Variants in CFAP52 observed in about 807,000 individuals in gnomAD.
CFAP52 encodes the protein cilia and flagella associated protein 52.
In CFAP52, 57 loss-of-function variants were observed where a neutral mutation model predicts 70.5. The ratio of observed to expected loss-of-function variants is 0.81; its 90% CI spans 0.65 to 1.01. The LOEUF is 1.01. Among genes scored for constraint, CFAP52 ranks in the 50% least tolerant of loss-of-function variants. CFAP52 has a pLI of 0.00. For synonymous variants in CFAP52, 267 were observed against 292.5 expected (o/e 0.91, Z 0.89); for missense variants, 785 against 788.5 (o/e 1.00, Z 0.05).
chr17:9,628,847 T>A, intron 9 of CFAP52, 27 bp downstream of exon 9: 1 of 1,613,410 alleles, frequency 6.2e-7, no homozygotes. Context: ...AAGATCTGGC[T>A]TGGGGCTCTA....
At chr17:9,584,803 A>G (rs1189027976) in intron 1 of CFAP52, among the ~76,000 whole-genome samples, 3 of 152,038 alleles carry the variant, frequency 2.0e-5, no homozygotes, top group Non-Finnish European at 2.9e-5. Context: ...TTGTATTTTT[A>G]GTAGAGACCG....
At chr17:9,638,064 G>A (rs1369797298) in intron 11 of CFAP52, among the ~76,000 whole-genome samples, 4 of 152,196 alleles carry the variant, frequency 2.6e-5, no homozygotes, top group Admixed American at 6.5e-5. Context: ...CGTGCTTTCC[G>A]AGGGTTGTGC....
At chr17:9,615,455 A>T (rs113801746) in intron 8 of CFAP52, among the ~76,000 whole-genome samples, 1 of 152,122 alleles carries the variant, frequency 6.6e-6, no homozygotes, top group African/African-American at 2.4e-5. Flanking sequence ...TTCATTCATA[A>T]GTATTACTAT....
At chr17:9,591,244 G>A (rs2151931159) in intron 3 of CFAP52, among the ~76,000 whole-genome samples, 1 of 151,690 alleles carries the variant, frequency 6.6e-6, no homozygotes, top group South Asian at 2.1e-4. Context: ...CTTCATGTTG[G>A]TCAGGCTGGT....
chr17:9,632,886 A>G lies in CFAP52; in HGVS notation c.1175-2A>G, dbSNP rs746126670. 1.2e-6 allele frequency: 2 copies of G among 1,613,960 alleles called. No homozygotes were observed. The highest frequency in any genetic ancestry group is 1.7e-6 in the Non-Finnish European group (2 of 1,179,868). The stretch of plus-strand genomic sequence containing the variant: ...CTGCCTTTTGTTTCCCTTTCATGCC[A>G]GCATGGAACGACGGTAAAATCCGAG... On this transcript the variant is annotated splice_acceptor_variant, in intron 9 of 13. Transcript: ENST00000352665. LOFTEE classifies it high-confidence loss of function.
chr17:9,630,308 G>A (rs1185455442), intron 9 of CFAP52, among the ~76,000 whole-genome samples: 1 of 150,810 alleles, frequency 6.6e-6, no homozygotes. Flanking sequence ...GCCAGGCGCG[G>A]TGGCTCACGC....
At chr17:9,592,190 C>T (rs1005665227) in intron 3 of CFAP52, among the ~76,000 whole-genome samples, 15 of 152,246 alleles carry the variant, frequency 9.9e-5, no homozygotes, top group African/African-American at 2.9e-4. Flanking sequence ...CAGCCAGGCA[C>T]GGTGGCTCAC....
At chr17:9,586,945 G>A in intron 3 of CFAP52, 111 bp downstream of exon 3, 3 of 1,285,560 alleles carry the variant, frequency 2.3e-6, no homozygotes, top group Non-Finnish European at 2.1e-6. Context: ...TCACGGGTTT[G>A]TTGTACAGAT....
At chr17:9,627,784 G>A (rs1011656794) in intron 8 of CFAP52, among the ~76,000 whole-genome samples, 4 of 151,438 alleles carry the variant, frequency 2.6e-5, no homozygotes, top group East Asian at 3.9e-4. Flanking sequence ...GCAGTGGCAC[G>A]ATCATAGCTC....
chr17:9,638,687 C>T lies in CFAP52; in HGVS notation c.1551C>T (p.Ile517=), dbSNP rs137996810. 3 of 1,614,168 alleles carry T rather than the reference C, an allele frequency of 1.9e-6. No homozygotes were observed. The highest frequency in any genetic ancestry group is 2.5e-6 in the Non-Finnish European group (3 of 1,180,038). ...GCTATCACCCTGAGGAGTTCCAGAT[C>T]ATCACCAGCGGAACAGACAGAAAGG... ...CVCYHPEEFQ[I]ITSGTDRKIA... is the part of the protein sequence containing the mutation. Residue 517 remains isoleucine, a synonymous_variant, in exon 12 of 14, where the codon ATC becomes ATT. Coordinates refer to ENST00000352665, the MANE Select transcript of CFAP52 (RefSeq NM_145054.5).
chr17:9,599,893 C>G (rs562833603), intron 5 of CFAP52, among the ~76,000 whole-genome samples, 174 bp from the exon 6 acceptor site: 1 of 152,100 alleles, frequency 6.6e-6, no homozygotes, highest in South Asian at 2.1e-4. Flanking sequence ...AGGCATGCAC[C>G]ACGACACCCA....
At position 9,643,405 on chromosome 17, in the gene CFAP52, A is replaced by G. The variant is rs573788480; in HGVS notation, c.*207A>G. 2.4e-6 allele frequency: 1 copy of G among 424,820 alleles called. No homozygotes were observed. The highest frequency in any genetic ancestry group is 4.4e-5 in the Admixed American group (1 of 22,936). The allele number at this position is 424,820 out of a possible 1,614,324, so 26.3% of individuals were successfully genotyped here. A position where few individuals can be genotyped will look rare whatever the true frequency, so the allele number is the denominator to read the frequency against. On this transcript the variant is annotated 3_prime_UTR_variant, in exon 14 of 14. Transcript: ENST00000352665. ...TTCAAGAATAATTTGTGCAGACTCT[A>G]ATTAGAACTTTTAACATTTTGAATA...
intron 6 of CFAP52, among the ~76,000 whole-genome samples, chr17:9,605,881 C>T (rs561564355): frequency 2.1e-4 from 32 of 151,942 alleles, no homozygotes; most frequent in Non-Finnish European, 4.4e-4. Flanking sequence ...CAAGAGGGAA[C>T]CCTAATGTAC....
rs73975748 is a variant in CFAP52 at position 9,614,748 on chromosome 17, G to A, written c.1025+2269G>A. Among the ~76,000 whole-genome samples the A allele has an allele frequency of 2.6e-3, 397 of 152,234 alleles. 4 individuals are homozygous for A. Among genetic ancestry groups the A allele is most frequent in the Middle Eastern group, 0.01 (3 of 294 alleles). ...TATTCTGTGCATTAAAGGATGTTTG[G>A]CAGCATTCCTGGGCTCTACCCATCA... On this transcript the variant is annotated intron_variant, in intron 8 of 13. Transcript: ENST00000352665.
At chr17:9,634,442 T>C (rs1910688129) in intron 10 of CFAP52, among the ~76,000 whole-genome samples, 1 of 152,142 alleles carries the variant, frequency 6.6e-6, no homozygotes, top group South Asian at 2.1e-4. Context: ...CTCAGGAGTT[T>C]GAGACCAGCC....
chr17:9,605,076 G>T (rs549129536), intron 6 of CFAP52, among the ~76,000 whole-genome samples: 1 of 152,250 alleles, frequency 6.6e-6, no homozygotes, highest in South Asian at 2.1e-4. Flanking sequence ...ATGTAATGCA[G>T]CAGTTGCACT....
rs150136894 is a variant in CFAP52, at chr17:9,585,946, G to A, written c.244G>A (p.Gly82Arg). 470 of 1,613,576 alleles carry A rather than the reference G, an allele frequency of 2.9e-4. No homozygotes were observed. The highest frequency in any genetic ancestry group is 3.1e-4 in the Non-Finnish European group (370 of 1,179,854). ...ISRSGEYIAS[G>R]QVTFMGFKAD... ...CAGGTCTGGAGAGTACATCGCCTCC[G>A]GACAAGTCACATTCATGGGGTTCAA... The change falls in exon 2 of 14, where the codon GGA becomes AGA. Residue 82 changes from glycine (G) to arginine (R), a missense_variant. By Grantham distance (125) the Gly-to-Arg change is moderately radical. Transcript: ENST00000352665.
chr17:9,604,211 A>C (rs1909389921), intron 6 of CFAP52, among the ~76,000 whole-genome samples: 1 of 152,226 alleles, frequency 6.6e-6, no homozygotes, highest in Admixed American at 6.5e-5. Flanking sequence ...GATAAAATCC[A>C]GAAGACCTAA....
At chr17:9,616,736 C>T (rs1229468430) in intron 8 of CFAP52, among the ~76,000 whole-genome samples, 2 of 143,116 alleles carry the variant, frequency 1.4e-5, no homozygotes, top group East Asian at 2.1e-4. Context: ...CCAGCAGGGG[C>T]ACACTGACAC....
Sources: allele counts gnomAD v4.1 joint callset (sites outside exome capture counted in the v4.1 genomes callset), GRCh38; gene constraint gnomAD v4.1.1; transcripts MANE v1.5; gene names NCBI Gene and HGNC (gene_info 2026-07-23, HGNC 2026-07-21).